The following WWOX variants were observed in gnomAD, a reference collection of about 807,000 sequenced individuals.
The protein encoded by WWOX is WW domain-containing oxidoreductase.
In WWOX, 69 loss-of-function variants were observed where a neutral mutation model predicts 46.2. The observed-to-expected ratio is 1.49, with a 90% CI of 1.23 to 1.82. The LOEUF is 1.82. Among genes scored for constraint, WWOX ranks in the 40% most tolerant of loss-of-function variants. The pLI, the probability that WWOX is intolerant of heterozygous loss-of-function variation, is 0.00. For missense variants in WWOX, 919 were observed against 542.6 expected (o/e 1.69, Z -6.89); for synonymous variants, 359 against 202.6 (o/e 1.77, Z -6.56).
At chr16:79,093,198 AAAAC>A (rs1464029685) in intron 8 of WWOX, among the ~76,000 whole-genome samples, 9 of 152,218 alleles carry the variant, frequency 5.9e-5, no homozygotes, top group Non-Finnish European at 8.8e-5. Flanking sequence ...ATCTATCAGA[AAAAC>A]AAAACAAATG....
chr16:78,389,703 C>A (rs951380603), intron 6 of WWOX, among the ~76,000 whole-genome samples: 1 of 152,000 alleles, frequency 6.6e-6, no homozygotes, highest in Non-Finnish European at 1.5e-5. Flanking sequence ...TTAGCCTCTT[C>A]ACGGCTCCAA....
intron 8 of WWOX, among the ~76,000 whole-genome samples, chr16:79,124,338 A>G (rs1250987992): frequency 7.6e-6 from 1 of 132,446 alleles, no homozygotes; most frequent in East Asian, 2.3e-4. Flanking sequence ...TGTTTTATTC[A>G]TGGACTTTTT....
In WWOX at chr16:78,771,540, G is replaced by C. The variant is rs913809725; in HGVS notation, c.1056+338788G>C. ...TAATCCCAGCACTTTGGGAGGCTGA[G>C]ATGGGCGGATCACTTGAGGTCAGGA... On this transcript the variant is annotated intron_variant, in intron 8 of 8. Transcript: ENST00000566780. 2.0e-5 allele frequency among the ~76,000 whole-genome samples: 3 copies of C among 152,280 alleles called. No individual in the cohort carries two copies. In the South Asian group the frequency reaches 6.2e-4, roughly 32 times the overall value.
intron 8 of WWOX, among the ~76,000 whole-genome samples, chr16:78,605,732 C>T (rs1326487186): frequency 6.6e-6 from 1 of 152,118 alleles, no homozygotes; most frequent in Non-Finnish European, 1.5e-5. Context: ...ATGAAAATAG[C>T]CAGTTATCTT....
chr16:79,094,099 C>A lies in WWOX; in HGVS notation c.1057-117509C>A, dbSNP rs147273784. On this transcript the variant is annotated intron_variant, in intron 8 of 8. Transcript: ENST00000566780. The stretch of plus-strand genomic sequence containing the variant: ...CCACCTAGCACTCATCCCACCTCCT[C>A]ACTCCTCTATCCTGTGAATGCAGAA... Among the ~76,000 whole-genome samples the A allele has an allele frequency of 9.2e-5, 14 of 152,308 alleles. No individual in the cohort carries two copies. The East Asian group carries it at 2.1e-3, about 23-fold the overall frequency.
intron 8 of WWOX, among the ~76,000 whole-genome samples, chr16:78,900,085 A>G (rs1265146249): frequency 7.3e-6 from 1 of 137,312 alleles, no homozygotes; most frequent in African/African-American, 2.8e-5. Context: ...TTTTTCCTGC[A>G]GAGAGCGTTG....
chr16:78,285,114 G>C (rs1443884693), intron 5 of WWOX, among the ~76,000 whole-genome samples: 1 of 152,114 alleles, frequency 6.6e-6, no homozygotes, highest in South Asian at 2.1e-4. Flanking sequence ...TAGACTGTCA[G>C]CCTTGGATCT....
chr16:78,492,249 G>C (rs2084802662), intron 8 of WWOX, among the ~76,000 whole-genome samples: 1 of 152,200 alleles, frequency 6.6e-6, no homozygotes, highest in African/African-American at 2.4e-5. Context: ...AGGCAGTAGA[G>C]GTTGGACGAG....
At chr16:78,440,867 C>A (rs1039461593) in intron 8 of WWOX, among the ~76,000 whole-genome samples, 2 of 152,136 alleles carry the variant, frequency 1.3e-5, no homozygotes, top group African/African-American at 4.8e-5. Context: ...GATCCACCTG[C>A]CTTGGCCTTC....
intron 8 of WWOX, among the ~76,000 whole-genome samples, chr16:79,126,538 T>G (rs2049759198): frequency 6.6e-6 from 1 of 152,180 alleles, no homozygotes. Context: ...AGGTTCTTGC[T>G]TCCCCTTCGT....
intron 8 of WWOX, among the ~76,000 whole-genome samples, chr16:78,486,087 A>G (rs890895985): frequency 2.0e-5 from 3 of 152,274 alleles, no homozygotes; most frequent in East Asian, 1.9e-4. Context: ...CCTGGTGTCT[A>G]TGTGAGGGGG....
chr16:78,699,710 C>T (rs2048172703), intron 8 of WWOX, among the ~76,000 whole-genome samples: 2 of 152,332 alleles, frequency 1.3e-5, no homozygotes, highest in South Asian at 2.1e-4. Flanking sequence ...CAGCCTCTAC[C>T]AGATGGTACC....
At chr16:78,315,112 C>A (rs1318386037) in intron 5 of WWOX, among the ~76,000 whole-genome samples, 1 of 152,238 alleles carries the variant, frequency 6.6e-6, no homozygotes, top group African/African-American at 2.4e-5. Context: ...TTAATTTTGT[C>A]ACTTTTTCTT....
chr16:78,307,736 G>T (rs1017904178), intron 5 of WWOX, among the ~76,000 whole-genome samples: 2 of 152,076 alleles, frequency 1.3e-5, no homozygotes, highest in Non-Finnish European at 2.9e-5. Flanking sequence ...TAAGAGTAAA[G>T]GCACCTGCCT....
chr16:78,213,883 C>T (rs754703880), intron 5 of WWOX, among the ~76,000 whole-genome samples: 1 of 152,124 alleles, frequency 6.6e-6, no homozygotes, highest in Admixed American at 6.5e-5. Context: ...TTCTGGGGCC[C>T]CCAGGGCGGT....
At chr16:78,244,391 T>G (rs1409163976) in intron 5 of WWOX, among the ~76,000 whole-genome samples, 4 of 152,122 alleles carry the variant, frequency 2.6e-5, no homozygotes, top group Admixed American at 2.6e-4. Flanking sequence ...GTATGACTCC[T>G]GCTGATGATG....
intron 8 of WWOX, among the ~76,000 whole-genome samples, chr16:79,039,176 T>G (rs1281165488): frequency 1.3e-5 from 2 of 152,140 alleles, no homozygotes; most frequent in Non-Finnish European, 2.9e-5. Context: ...GATGCTCATG[T>G]TACGGTTTTG....
chr16:78,481,724 A>AGTGTGTGTGTGT (rs67780639), intron 8 of WWOX, among the ~76,000 whole-genome samples: 1,573 of 137,006 alleles, frequency 0.011, 14 homozygotes, highest in Non-Finnish European at 0.017. Context: ...GGGCAAGGGA[A>AGTGTGTGTGTGT]GTGTGTGTGT....
chr16:78,731,263 A>G (rs1465232585), intron 8 of WWOX, among the ~76,000 whole-genome samples: 1 of 152,052 alleles, frequency 6.6e-6, no homozygotes, highest in Admixed American at 6.5e-5. Context: ...CCAAGGTTAG[A>G]CCCGAGGTAA....
Sources: gnomAD v4.1 joint callset for allele counts (sites outside exome capture counted in the v4.1 genomes callset) on GRCh38, gnomAD v4.1.1 for gene constraint, MANE v1.5 for transcripts, NCBI Gene and HGNC (gene_info 2026-07-23, HGNC 2026-07-21) for gene names.